CCSER1: variants seen among roughly 807,000 people sequenced by gnomAD.
The protein encoded by CCSER1 is coiled-coil serine rich protein 1.
In CCSER1, 41 loss-of-function variants were observed where a neutral mutation model predicts 82.0. That is an observed-to-expected ratio of 0.50 (90% CI 0.39 to 0.65). CCSER1 has a LOEUF of 0.65. CCSER1 is among the 30% of genes least tolerant of loss of function. The pLI is 0.00. For synonymous variants in CCSER1, 414 were observed against 383.9 expected, an observed-to-expected ratio of 1.08 and a Z score of -0.92; for missense variants, 1,119 against 1,064.2, an observed-to-expected ratio of 1.05 and a Z score of -0.72.
intron 10 of CCSER1, among the ~76,000 whole-genome samples, chr4:91,476,844 G>A (rs1234976719): frequency 6.6e-6 from 1 of 151,576 alleles, no homozygotes; most frequent in African/African-American, 2.4e-5. Context: ...GATCATGCTG[G>A]GATGTCTGGA....
intron 5 of CCSER1, among the ~76,000 whole-genome samples, chr4:90,572,271 T>C (rs1175614792): frequency 1.3e-5 from 2 of 152,216 alleles, no homozygotes; most frequent in African/African-American, 2.4e-5. Flanking sequence ...ATCTTTCTGC[T>C]TTCAGAATAC....
At chr4:90,972,647 C>T (rs1005734374) in intron 9 of CCSER1, among the ~76,000 whole-genome samples, 6 of 151,394 alleles carry the variant, frequency 4.0e-5, no homozygotes, top group African/African-American at 1.2e-4. Flanking sequence ...TTATTTTTTG[C>T]AGAAACAGAA....
intron 10 of CCSER1, among the ~76,000 whole-genome samples, chr4:91,589,146 G>A (rs72886326): frequency 0.044 from 6,739 of 151,786 alleles, 321 homozygotes; most frequent in African/African-American, 0.12. Context: ...TTGATATTAT[G>A]AAATTACTGT....
At chr4:91,276,908 G>T (rs563774221) in intron 10 of CCSER1, among the ~76,000 whole-genome samples, 5 of 152,162 alleles carry the variant, frequency 3.3e-5, no homozygotes, top group African/African-American at 1.2e-4. Flanking sequence ...CTATTGAGAT[G>T]ATCATATGGT....
chr4:91,266,397 G>GC (rs1208863929), intron 10 of CCSER1, among the ~76,000 whole-genome samples: 1 of 151,934 alleles, frequency 6.6e-6, no homozygotes, highest in Non-Finnish European at 1.5e-5. Flanking sequence ...GACTACAGGT[G>GC]CCCGCCACCA....
Position 90,312,969 on chromosome 4 carries a change from G to C in CCSER1, c.1431G>C (p.Pro477=). 6.2e-7 allele frequency: 1 copy of C among 1,600,568 alleles called. No homozygotes were observed. Among genetic ancestry groups the C allele is most frequent in the Non-Finnish European group, 8.5e-7 (1 of 1,172,728 alleles). Reference sequence around the variant, plus strand: ...GGAGTAGCAGAATGATTTTGAAACCGAAAGATGGAAATATAGAAGAAGTTA... The same window carrying C: ...GGAGTAGCAGAATGATTTTGAAACCCAAAGATGGAAATATAGAAGAAGTTA... ...TAGSSRMILK[P]KDGNIEEVNS... Residue 477 remains proline (P), a synonymous_variant, in exon 3 of 11, where the codon CCG becomes CCC. Coordinates refer to ENST00000509176, the MANE Select transcript of CCSER1 (RefSeq NM_001145065.2).
rs1561384725 is a variant in CCSER1 at position 90,932,966 on chromosome 4, GAAAGAAAGAAAGAA to G, written c.2172+9521_2172+9534del. Among the ~76,000 whole-genome samples, 332 of 34,232 alleles carry G rather than the reference GAAAGAAAGAAAGAA, an allele frequency of 9.7e-3. 73 individuals are homozygous for G. The highest frequency in any genetic ancestry group is 0.027 in the African/African-American group (127 of 4,692). 22.5% of individuals were successfully genotyped at this position (34,232 alleles called of 152,430 possible). ...AGAAAGAAAGAAAGAAAGAAAGAAA[GAAAGAAAGAAAGAA>G]AGAGAAAGAAAGAAAGAAAGAAAGA... On this transcript the variant is annotated intron_variant, in intron 9 of 10. Transcript: ENST00000509176.
chr4:90,835,277 G>A (rs565773337), intron 8 of CCSER1, among the ~76,000 whole-genome samples: 2 of 152,290 alleles, frequency 1.3e-5, no homozygotes, highest in African/African-American at 4.8e-5. Flanking sequence ...CTTGCAGTGA[G>A]CCGAGATGAC....
At chr4:90,449,546 G>A (rs1761142957) in intron 4 of CCSER1, among the ~76,000 whole-genome samples, 1 of 152,212 alleles carries the variant, frequency 6.6e-6, no homozygotes, top group Admixed American at 6.5e-5. Flanking sequence ...AGGAGTGCCT[G>A]CAGGCTCGTG....
intron 6 of CCSER1, among the ~76,000 whole-genome samples, chr4:90,719,398 A>G (rs1031369060): frequency 6.6e-6 from 1 of 152,120 alleles, no homozygotes; most frequent in Non-Finnish European, 1.5e-5. Context: ...ATTTGATTAT[A>G]TGTTACAATG....
intron 5 of CCSER1, among the ~76,000 whole-genome samples, chr4:90,562,560 CAG>C (rs1207532088): frequency 3.3e-5 from 5 of 151,876 alleles, no homozygotes; most frequent in African/African-American, 7.3e-5. Flanking sequence ...TTATTTGTGA[CAG>C]AGTCTCACTC....
chr4:90,933,414 C>T (rs1730510992), intron 9 of CCSER1, among the ~76,000 whole-genome samples: 1 of 151,652 alleles, frequency 6.6e-6, no homozygotes, highest in Admixed American at 6.6e-5. Flanking sequence ...GTCTCAATCT[C>T]CTGACCTCAT....
chr4:90,855,755 T>C (rs780788290), intron 8 of CCSER1, among the ~76,000 whole-genome samples: 1 of 152,160 alleles, frequency 6.6e-6, no homozygotes, highest in Non-Finnish European at 1.5e-5. Context: ...TATCTTAACA[T>C]GATAAGAAAT....
At chr4:91,096,137 T>G (rs1031595830) in intron 10 of CCSER1, among the ~76,000 whole-genome samples, 3 of 152,194 alleles carry the variant, frequency 2.0e-5, no homozygotes, top group Non-Finnish European at 2.9e-5. Context: ...TTCCACTGTA[T>G]GTCCATCCTC....
intron 3 of CCSER1, among the ~76,000 whole-genome samples, chr4:90,352,551 A>G (rs974452813): frequency 6.6e-6 from 1 of 151,938 alleles, no homozygotes; most frequent in African/African-American, 2.4e-5. Context: ...AATCCCAGCT[A>G]CTTGGGAGGT....
At chr4:91,132,219 G>A (rs7667634) in intron 10 of CCSER1, among the ~76,000 whole-genome samples, 80,934 of 151,770 alleles carry the variant, frequency 0.53, 21,709 homozygotes, top group East Asian at 0.69. Context: ...TCATAGTTCA[G>A]ATGACCTTGG....
intron 10 of CCSER1, among the ~76,000 whole-genome samples, chr4:91,582,382 C>T (rs1194399841): frequency 1.3e-5 from 2 of 151,544 alleles, no homozygotes; most frequent in African/African-American, 4.8e-5. Flanking sequence ...AGGATTTATA[C>T]ACAATTAAAA....
intron 7 of CCSER1, among the ~76,000 whole-genome samples, chr4:90,795,498 C>A (rs1186231719): frequency 6.6e-6 from 1 of 152,072 alleles, no homozygotes; most frequent in Non-Finnish European, 1.5e-5. Flanking sequence ...CTTTCTCTTG[C>A]CTGATTATCC....
chr4:90,298,656 C>G (rs1027166816), intron 1 of CCSER1, among the ~76,000 whole-genome samples: 33 of 152,136 alleles, frequency 2.2e-4, no homozygotes, highest in African/African-American at 7.2e-4. Flanking sequence ...CCTCTACACA[C>G]TGCTTTGAAT....
Sources: allele counts gnomAD v4.1 joint callset (sites outside exome capture counted in the v4.1 genomes callset), GRCh38; gene constraint gnomAD v4.1.1; transcripts MANE v1.5; gene names NCBI Gene and HGNC (gene_info 2026-07-23, HGNC 2026-07-21).